The following RGS7 variants were observed in gnomAD, a reference collection of about 807,000 sequenced individuals.
RGS7 encodes regulator of G-protein signaling 7.
RGS7 carries 27 observed loss-of-function variants against 81.1 expected under a neutral mutation model. The observed-to-expected ratio is 0.33, with a 90% CI of 0.25 to 0.46. The LOEUF is 0.46. Ranked by LOEUF, RGS7 falls within the 20% of genes least tolerant of loss-of-function variation. The pLI is 1.00. For missense variants in RGS7, 396 were observed against 607.4 expected (o/e 0.65, Z 3.66); for synonymous variants, 208 against 207.7 (o/e 1.00, Z -0.01).
intron 2 of RGS7, among the ~76,000 whole-genome samples, chr1:241,310,461 G>C (rs1251181317): frequency 1.0e-5 from 1 of 99,134 alleles, no homozygotes; most frequent in Non-Finnish European, 2.4e-5. Flanking sequence ...GTGTGTGTGA[G>C]AGTGTGTGTG....
chr1:241,229,382 T>G (rs2075514956), intron 2 of RGS7, among the ~76,000 whole-genome samples: 1 of 152,162 alleles, frequency 6.6e-6, no homozygotes, highest in East Asian at 1.9e-4. Flanking sequence ...CTCTGACCTT[T>G]GAATTCTTGG....
intron 2 of RGS7, among the ~76,000 whole-genome samples, chr1:241,248,251 T>A (rs1293212573): frequency 6.6e-6 from 1 of 151,726 alleles, no homozygotes; most frequent in African/African-American, 2.4e-5. Context: ...GATGTGTATT[T>A]TTCCATGAAT....
In RGS7 at chr1:241,042,234, C is replaced by T. The variant is rs143215339; in HGVS notation, c.175+56432G>A. ...AGTTTGTTTACAGAGATATTTCATG[C>T]ATGCTGTAGAAAATTCAGGTCATAT... On this transcript the variant is annotated intron_variant, in intron 3 of 18. Transcript: ENST00000440928. Among the ~76,000 whole-genome samples, 361 of 152,186 alleles carry T rather than the reference C, an allele frequency of 2.4e-3. 2 individuals are homozygous for T. The highest frequency in any genetic ancestry group is 8.2e-3 in the African/African-American group (342 of 41,514).
At position 240,775,988 on chromosome 1, in the gene RGS7, G is replaced by A; in HGVS notation, c.*232C>T. ...AAGAAAGCAGACAACAGTTTGGAAT[G>A]GAGGCATTGAGACGGAAGAGTCCAT... is the stretch of plus-strand genomic sequence containing the variant. On this transcript the variant is annotated 3_prime_UTR_variant, in exon 19 of 19. Transcript: ENST00000440928. 1 of 650,356 alleles carries A rather than the reference G, an allele frequency of 1.5e-6. No individual in the cohort carries two copies. The highest frequency in any genetic ancestry group is 2.9e-6 in the Non-Finnish European group (1 of 348,748). The allele number at this position is 650,356 out of a possible 1,614,324, so 40.3% of individuals were successfully genotyped here. A position where few individuals can be genotyped will look rare whatever the true frequency, so the allele number is the denominator to read the frequency against.
chr1:241,344,367 G>A (rs1188442475), intron 2 of RGS7, among the ~76,000 whole-genome samples: 3 of 152,210 alleles, frequency 2.0e-5, no homozygotes, highest in African/African-American at 7.2e-5. Flanking sequence ...ATATTCCTTA[G>A]ATGTCATCAC....
At chr1:241,327,114 GAAA>G (rs1558321351) in intron 2 of RGS7, among the ~76,000 whole-genome samples, 1 of 106,466 alleles carries the variant, frequency 9.4e-6, no homozygotes, top group Non-Finnish European at 2.0e-5. Flanking sequence ...AAGAAAGAAA[GAAA>G]GAAAGAAAGA....
intron 4 of RGS7, among the ~76,000 whole-genome samples, chr1:240,969,177 C>T (rs989681363): frequency 2.6e-5 from 4 of 152,030 alleles, no homozygotes; most frequent in Admixed American, 6.6e-5. Context: ...CTTTTCTTTT[C>T]GTCTATTCTT....
chr1:241,327,134 G>GA (rs1416030159), intron 2 of RGS7, among the ~76,000 whole-genome samples: 1,307 of 100,624 alleles, frequency 0.013, 90 homozygotes, highest in Non-Finnish European at 0.017. Context: ...AAGAAAGAAA[G>GA]AAAGAAAGAA....
Position 240,868,650 on chromosome 1 carries a change from G to A in RGS7, c.546C>T (p.Asp182=). The change falls in exon 9 of 19, where the codon GAC becomes GAT. Residue 182 remains aspartate (D), a synonymous_variant. Transcript: ENST00000440928. This position sits in a 1 kb window ranked among gnomAD's most constrained non-coding sequence, Gnocchi z 5.1. ...TGTCAAGGATCTTCCTTTCAATCTTGTCTCTCTTCTTGTCCACTCTGTCAA... is the reference window on the plus strand; with the variant it reads ...TGTCAAGGATCTTCCTTTCAATCTTATCTCTCTTCTTGTCCACTCTGTCAA... ...EAQAKVDKKR[D]KIERKILDSQ... The A allele has an allele frequency of 1.2e-6, 2 of 1,614,082 alleles. No individual in the cohort carries two copies. The highest frequency in any genetic ancestry group is 2.2e-5 in the East Asian group (1 of 44,872).
At chr1:240,855,308 C>CAAAAAAAAAAAAAAAAAAAA (rs758331434) in intron 9 of RGS7, among the ~76,000 whole-genome samples, 1 of 14,918 alleles carries the variant, frequency 6.7e-5, no homozygotes, top group African/African-American at 1.8e-4. Flanking sequence ...GACCATGTCT[C>CAAAAAAAAAAAAAAAAAAAA]AAAAAAAAAA....
chr1:241,018,932 C>T (rs1438635698), intron 3 of RGS7, among the ~76,000 whole-genome samples: 1 of 152,138 alleles, frequency 6.6e-6, no homozygotes, highest in African/African-American at 2.4e-5. Flanking sequence ...AAATTGCCCT[C>T]AGGAAAATTT....
At chr1:240,973,240 C>G (rs1040428831) in intron 4 of RGS7, among the ~76,000 whole-genome samples, 4 of 152,104 alleles carry the variant, frequency 2.6e-5, no homozygotes, top group African/African-American at 9.7e-5. Flanking sequence ...TTAATTAAGG[C>G]TGGGGGCCAT....
chr1:241,207,336 C>CAT (rs2073976861), intron 2 of RGS7, among the ~76,000 whole-genome samples: 1 of 103,882 alleles, frequency 9.6e-6, no homozygotes, highest in Non-Finnish European at 2.3e-5. Flanking sequence ...ATGGAGTATG[C>CAT]ACTTTAAAAT....
chr1:240,822,550 C>A (rs952971046), intron 10 of RGS7, among the ~76,000 whole-genome samples: 1 of 152,156 alleles, frequency 6.6e-6, no homozygotes, highest in African/African-American at 2.4e-5. Context: ...TATTAAACTT[C>A]TATTTAATGC....
chr1:241,086,496 T>C (rs2063455533), intron 3 of RGS7, among the ~76,000 whole-genome samples: 2 of 152,084 alleles, frequency 1.3e-5, no homozygotes, highest in South Asian at 4.2e-4. Flanking sequence ...TCCTATTTTT[T>C]CTTAAATCTC....
At chr1:241,167,370 G>A (rs1056452468) in intron 2 of RGS7, among the ~76,000 whole-genome samples, 1 of 152,130 alleles carries the variant, frequency 6.6e-6, no homozygotes, top group East Asian at 1.9e-4. Context: ...CTGAGCATAC[G>A]CCACCTGGGA....
rs1345131555 is a variant in RGS7 at position 241,327,045 on chromosome 1, A to AGGGAGGGAGGGAGGGGGG, written c.78+28653_78+28654insCCCCCCTCCCTCCCTCCC. ...AAGGAAGGAAGGAAGGAAGGGAGGG[A>AGGGAGGGAGGGAGGGGGG]GGGGAAAGGAAGGAAGAAGGAAGGA... On this transcript the variant is annotated intron_variant, in intron 2 of 18. Transcript: ENST00000440928. Among the ~76,000 whole-genome samples, 2 of 32,216 alleles carry AGGGAGGGAGGGAGGGGGG rather than the reference A, an allele frequency of 6.2e-5. 1 individual carries two copies. The highest frequency in any genetic ancestry group is 1.4e-4 in the Non-Finnish European group (2 of 14,250). 21.1% of individuals were successfully genotyped at this position (32,216 alleles called of 152,430 possible).
intron 4 of RGS7, among the ~76,000 whole-genome samples, chr1:240,939,569 A>C (rs1373511782): frequency 6.6e-6 from 1 of 152,184 alleles, no homozygotes; most frequent in African/African-American, 2.4e-5. Context: ...ACCCCTGTGG[A>C]CGAGTGAAGA....
At chr1:240,993,446 T>C (rs1246641971) in intron 3 of RGS7, among the ~76,000 whole-genome samples, 1 of 152,202 alleles carries the variant, frequency 6.6e-6, no homozygotes, top group Non-Finnish European at 1.5e-5. Context: ...TTTTCATTTG[T>C]GTCTGCCTGG....
Sources: gnomAD v4.1 joint callset for allele counts (sites outside exome capture counted in the v4.1 genomes callset) on GRCh38, gnomAD v4.1.1 for gene constraint, Gnocchi (gnomAD v3.1) non-coding constraint, MANE v1.5 for transcripts, NCBI Gene and HGNC (gene_info 2026-07-23, HGNC 2026-07-21) for gene names.